PLA2G4F: variants seen among roughly 807,000 people sequenced by gnomAD.
PLA2G4F encodes cytosolic phospholipase A2 zeta.
A neutral mutation model predicts 103.1 loss-of-function variants in PLA2G4F; 105 were observed. The ratio of observed to expected loss-of-function variants is 1.02; its 90% CI spans 0.87 to 1.20. The LOEUF is 1.20. Ranked by LOEUF, PLA2G4F falls within the 50% of genes most tolerant of loss-of-function variation. The probability of loss-of-function intolerance (pLI) is 0.00; values close to 1 mark genes in which losing one functional copy is unlikely to be tolerated. For missense variants in PLA2G4F, 1,155 were observed against 1,075.9 expected (o/e 1.07, Z -1.03); for synonymous variants, 468 against 441.1 (o/e 1.06, Z -0.76).
chr15:42,154,436 C>A lies in PLA2G4F; in HGVS notation c.207G>T (p.Val69=). Residue 69 remains valine (V), a synonymous_variant, in exon 3 of 20, where the codon GTG becomes GTT. Coordinates refer to ENST00000397272, the MANE Select transcript of PLA2G4F (RefSeq NM_213600.4). Reference sequence around the variant, plus strand: ...GGGACGCCGTGGGCAGCCACAGTTGCACATAGCAGTCGGCTTTGGACACTG... The same window carrying A: ...GGGACGCCGTGGGCAGCCACAGTTGAACATAGCAGTCGGCTTTGGACACTG... The part of the protein sequence containing the change: ...TDLLSKADCY[V]QLWLPTASPS... 2 of 1,602,874 alleles carry A rather than the reference C, an allele frequency of 1.2e-6. No homozygotes were observed.
chr15:42,147,598 C>T, intron 12 of PLA2G4F, 28 bp downstream of exon 12: 1 of 1,611,844 alleles, frequency 6.2e-7, no homozygotes, highest in Non-Finnish European at 8.5e-7. Context: ...GTCTCCTTTA[C>T]CCTGTGCCCT....
rs749081889 is a variant in PLA2G4F, at chr15:42,150,387, C to A, written c.871G>T (p.Val291Leu). The A allele has an allele frequency of 6.2e-7, 1 of 1,611,042 alleles. No homozygotes were observed. Among genetic ancestry groups the A allele is most frequent in the African/African-American group, 1.3e-5 (1 of 74,856 alleles). Residue 291 changes from valine (V) to leucine (L), a missense_variant, in exon 9 of 20, where the codon GTG becomes TTG. This residue lies in a region of PLA2G4F where 370 missense variants were observed against 364.9 expected (regional missense o/e 1.01). Coordinates refer to ENST00000397272, the MANE Select transcript of PLA2G4F (RefSeq NM_213600.4). ...LPLGQEEQCS[V>L]ALGEGQEVAL... is the part of the protein sequence containing the mutation. ...CAGAGCCTTACCTCCCCCAGGGCCA[C>A]AGAACACTGTTCCTCCTGGCCTAGG...
chr15:42,151,092 T>C (rs1211766744), intron 7 of PLA2G4F: 1 of 985,046 alleles, frequency 1.0e-6, no homozygotes, highest in Non-Finnish European at 1.2e-6. Flanking sequence ...TTTGAGATGA[T>C]TCTATGTTTA....
chr15:42,152,664 C>T (rs2140814248), intron 7 of PLA2G4F, 24 bp downstream of exon 7: 2 of 1,552,886 alleles, frequency 1.3e-6, no homozygotes, highest in East Asian at 2.4e-5. Flanking sequence ...AGGCAAAAGA[C>T]CCAAGGCCGC....
rs1033102527 is a variant in PLA2G4F, at chr15:42,141,084, T to C, written c.*900A>G. ...GCAAGAGCCCAGGCGAGGCTCCCTC[T>C]GCACTGCCCATGCCTTGGAGTAACC... is the stretch of plus-strand genomic sequence containing the variant. On this transcript the variant is annotated 3_prime_UTR_variant, in exon 20 of 20. Transcript: ENST00000397272. 1 of 380,834 alleles carries C rather than the reference T, an allele frequency of 2.6e-6. No individual in the cohort carries two copies. The highest frequency in any genetic ancestry group is 5.3e-6 in the Non-Finnish European group (1 of 187,070). The allele number at this position is 380,834 out of a possible 1,614,324, so 23.6% of individuals were successfully genotyped here.
In PLA2G4F at chr15:42,149,717, C is replaced by T; in HGVS notation, c.1055G>A (p.Gly352Asp). The change falls in exon 11 of 20, where the codon GGC (glycine) becomes GAC (aspartate). Residue 352 changes from glycine to aspartate, a missense_variant. Coordinates refer to ENST00000397272, the MANE Select transcript of PLA2G4F (RefSeq NM_213600.4). Reference sequence around the variant, plus strand: ...AGCTCCTCCTCCATTACGTACCTGGCCACTGTCCAGAGCCTCACTCAATCC... The same window carrying T: ...AGCTCCTCCTCCATTACGTACCTGGTCACTGTCCAGAGCCTCACTCAATCC... ...VLGLSEALDS[G>D]QVPVVAVLGS... 6.2e-7 allele frequency: 1 copy of T among 1,614,170 alleles called. No individual in the cohort carries two copies.
chr15:42,154,275 G>T (rs996702232), intron 3 of PLA2G4F, 47 bp downstream of exon 3: 2 of 1,611,280 alleles, frequency 1.2e-6, no homozygotes, highest in African/African-American at 1.3e-5. Context: ...GAGGGTAGCT[G>T]CCTGAGGAGT....
chr15:42,142,677 C>T lies in PLA2G4F; in HGVS notation c.2180G>A (p.Gly727Glu), dbSNP rs115888024. The T allele has an allele frequency of 5.7e-4, 925 of 1,614,156 alleles. 11 individuals carry two copies. The African/African-American group carries it at 0.01, about 18-fold the overall frequency. Reference sequence around the variant, plus strand: ...CACCTCGATGCTAGGGAAGGGGATTCCTCGGTCCAGGCAGTACTTCTCTGT... The same window carrying T: ...CACCTCGATGCTAGGGAAGGGGATTTCTCGGTCCAGGCAGTACTTCTCTGT... The part of the protein sequence containing the change: ...KMTEKYCLDR[G>E]IPFPSIEVGP... The change falls in exon 19 of 20, where the codon GGA becomes GAA. Residue 727 changes from glycine to glutamate, a missense_variant. By Grantham distance (98) the Gly-to-Glu change is moderately conservative. Coordinates refer to ENST00000397272, the MANE Select transcript of PLA2G4F (RefSeq NM_213600.4).
chr15:42,155,037 C>A lies in PLA2G4F; in HGVS notation c.184+480G>T, dbSNP rs557060873. On this transcript the variant is annotated intron_variant, in intron 2 of 19. Coordinates refer to ENST00000397272, the MANE Select transcript of PLA2G4F (RefSeq NM_213600.4). ...ATACACACACTCGTACTCAGTCACA[C>A]ACACTGGCACTCACTGTCATGTATA... Among the ~76,000 whole-genome samples the A allele has an allele frequency of 1.4e-4, 22 of 152,202 alleles. 1 individual carries two copies. Among genetic ancestry groups the A allele is most frequent in the Admixed American group, 1.2e-3 (19 of 15,284 alleles).
In PLA2G4F at chr15:42,155,532, G is replaced by T. The variant is rs765734005; in HGVS notation, c.169C>A (p.Arg57=). ...GGTCACTCACGCAGGTCTGTGCCCCGGATGTTTGTGGCCCTCAGCACCTTC... is the reference window on the plus strand; with the variant it reads ...GGTCACTCACGCAGGTCTGTGCCCCTGATGTTTGTGGCCCTCAGCACCTTC... ...QVKVLRATNI[R]GTDLLSKADC... The change falls in exon 2 of 20, where the codon CGG becomes AGG. Residue 57 remains arginine, a synonymous_variant. Coordinates refer to ENST00000397272, the MANE Select transcript of PLA2G4F (RefSeq NM_213600.4). The T allele has an allele frequency of 6.2e-7, 1 of 1,614,100 alleles. No individual in the cohort carries two copies. The highest frequency in any genetic ancestry group is 1.1e-5 in the South Asian group (1 of 91,084).
intron 17 of PLA2G4F, 136 bp from the exon 18 acceptor site, chr15:42,144,280 C>A: frequency 7.2e-7 from 1 of 1,395,732 alleles, no homozygotes; most frequent in Admixed American, 2.2e-5. Context: ...GCCCCAAGCC[C>A]TTGGCCCTGC....
chr15:42,153,742 G>C, intron 4 of PLA2G4F, 82 bp from the exon 5 acceptor site: 1 of 1,482,982 alleles, frequency 6.7e-7, no homozygotes, highest in East Asian at 2.3e-5. Context: ...GCCCTGCTTG[G>C]CTCCAGGGGC....
chr15:42,144,500 A>G lies in PLA2G4F; in HGVS notation c.1925T>C (p.Leu642Pro), dbSNP rs1160024313. The G allele has an allele frequency of 1.2e-6, 2 of 1,612,400 alleles. No individual in the cohort carries two copies. The highest frequency in any genetic ancestry group is 1.7e-6 in the Non-Finnish European group (2 of 1,180,010). ...AGCCACATAGTCCTTGTGCAAGCAG[A>G]GACCCCGGGTGAAGTTAAAGCTCTG... Reference protein sequence around the residue: ...SAQSFNFTRGLCLHKDYVAGR... With the variant: ...SAQSFNFTRGPCLHKDYVAGR... Residue 642 changes from leucine (L) to proline (P), a missense_variant, in exon 17 of 20, where the codon CTC becomes CCC. Leu to Pro is a moderately conservative substitution (Grantham distance 98). This residue lies in a region of PLA2G4F where 782 missense variants were observed against 692.9 expected (regional missense o/e 1.13). Transcript: ENST00000397272.
chr15:42,155,785 C>T (rs1377370543), intron 1 of PLA2G4F, among the ~76,000 whole-genome samples, 196 bp from the exon 2 acceptor site: 1 of 152,162 alleles, frequency 6.6e-6, no homozygotes, highest in Non-Finnish European at 1.5e-5. Flanking sequence ...GACCCTGGAA[C>T]CCATCCGGTC....
chr15:42,145,885 G>C lies in PLA2G4F; in HGVS notation c.1553C>G (p.Pro518Arg). The C allele has an allele frequency of 6.2e-7, 1 of 1,614,020 alleles. No homozygotes were observed. Among genetic ancestry groups the C allele is most frequent in the Non-Finnish European group, 8.5e-7 (1 of 1,180,026 alleles). The change falls in exon 15 of 20, where the codon CCC becomes CGC. Residue 518 changes from proline (P) to arginine (R), a missense_variant. Pro to Arg is a moderately radical substitution (Grantham distance 103). This residue lies in a region of PLA2G4F where 782 missense variants were observed against 692.9 expected (regional missense o/e 1.13). Transcript: ENST00000397272. ...GTACTTGGGGAAGCCAACCTCATAGGGCGTGAACTCGCACCACTCTAGGGG... is the reference window on the plus strand; with the variant it reads ...GTACTTGGGGAAGCCAACCTCATAGCGCGTGAACTCGCACCACTCTAGGGG... ...EDFAEWCEFTPYEVGFPKYGA... is the reference protein window; with the variant it reads ...EDFAEWCEFTRYEVGFPKYGA...
At chr15:42,149,437 AC>A (rs1487731900) in intron 11 of PLA2G4F, 27 of 943,700 alleles carry the variant, frequency 2.9e-5, no homozygotes, top group Non-Finnish European at 3.3e-5. Flanking sequence ...TTCATCTCGG[AC>A]TTCCAGCCCC....
At position 42,146,150 on chromosome 15, in the gene PLA2G4F, T is replaced by A; in HGVS notation, c.1511A>T (p.Asn504Ile). Residue 504 changes from asparagine to isoleucine, a missense_variant, in exon 14 of 20, where the codon AAC becomes ATC. By Grantham distance (149) the Asn-to-Ile change is moderately radical. This residue lies in a region of PLA2G4F where 782 missense variants were observed against 692.9 expected (regional missense o/e 1.13). Coordinates refer to ENST00000397272, the MANE Select transcript of PLA2G4F (RefSeq NM_213600.4). ...ACCTGCAAAATCTTCCCCACTCAAG[T>A]TGGTGCGGACGTTGACACTGGTGTA... is the stretch of plus-strand genomic sequence containing the variant. ...PIYTSVNVRT[N>I]LSGEDFAEWC... The A allele has an allele frequency of 6.2e-7, 1 of 1,614,094 alleles. No homozygotes were observed. Among genetic ancestry groups the A allele is most frequent in the Non-Finnish European group, 8.5e-7 (1 of 1,179,974 alleles).
intron 2 of PLA2G4F, among the ~76,000 whole-genome samples, chr15:42,154,791 G>A (rs2048996400): frequency 6.6e-6 from 1 of 152,126 alleles, no homozygotes; most frequent in African/African-American, 2.4e-5. Flanking sequence ...GAGAGCGCGT[G>A]CTGACTTGTA....
Position 42,141,851 on chromosome 15 carries a change from G to T in PLA2G4F, c.*133C>A. ...TTCTGCAAGAGCTTTCCGGGGCCTG[G>T]GGCACCTCGAGGCAGGTCCTGGAGA... On this transcript the variant is annotated 3_prime_UTR_variant, in exon 20 of 20. Coordinates refer to ENST00000397272, the MANE Select transcript of PLA2G4F (RefSeq NM_213600.4). 1 of 909,878 alleles carries T rather than the reference G, an allele frequency of 1.1e-6. No homozygotes were observed. The highest frequency in any genetic ancestry group is 1.7e-6 in the Non-Finnish European group (1 of 604,412). The allele number at this position is 909,878 out of a possible 1,614,324, so 56.4% of individuals were successfully genotyped here. A position where few individuals can be genotyped will look rare whatever the true frequency, so the allele number is the denominator to read the frequency against.
Sources: allele counts gnomAD v4.1 joint callset (sites outside exome capture counted in the v4.1 genomes callset), GRCh38; gene constraint gnomAD v4.1.1; regional missense constraint gnomAD v4.1.1; transcripts MANE v1.5; gene names NCBI Gene and HGNC (gene_info 2026-07-23, HGNC 2026-07-21).